Variants in C1GALT1 observed in about 807,000 individuals in gnomAD.
C1GALT1 encodes core 1 synthase, glycoprotein-N-acetylgalactosamine 3-beta-galactosyltransferase 1.
A neutral mutation model predicts 31.0 loss-of-function variants in C1GALT1; 11 were observed. The observed-to-expected ratio is 0.36, with a 90% CI of 0.22 to 0.59. C1GALT1 has a LOEUF of 0.59. Among genes scored for constraint, C1GALT1 ranks in the 20% least tolerant of loss-of-function variants. The probability of loss-of-function intolerance (pLI) is 0.79; values close to 1 mark genes in which losing one functional copy is unlikely to be tolerated. For synonymous variants in C1GALT1, 175 were observed against 143.6 expected (o/e 1.22, Z -1.56); for missense variants, 424 against 425.2 (o/e 1.00, Z 0.03).
At chr7:7,174,086 C>A (rs958974362) in intron 2 of C1GALT1, among the ~76,000 whole-genome samples, 1 of 151,984 alleles carries the variant, frequency 6.6e-6, no homozygotes, top group Non-Finnish European at 1.5e-5. Flanking sequence ...TGTCCCCACA[C>A]GGCCTTTCCT....
At chr7:7,179,893 CAA>C (rs1347920115), upstream of C1GALT1, among the ~76,000 whole-genome samples, 1 of 149,392 alleles carries the variant, frequency 6.7e-6, no homozygotes, top group African/African-American at 2.5e-5. Flanking sequence ...GGGTGCATAT[CAA>C]ATGGCTAAAG....
chr7:7,227,097 A>T (rs373338805), intron 1 of C1GALT1, among the ~76,000 whole-genome samples: 4 of 152,040 alleles, frequency 2.6e-5, no homozygotes, highest in Non-Finnish European at 5.9e-5. Flanking sequence ...CCTTTAGAGG[A>T]TGGGGGTCAT....
At chr7:7,213,536 C>CCT (rs1463234728) in intron 1 of C1GALT1, among the ~76,000 whole-genome samples, 1 of 152,064 alleles carries the variant, frequency 6.6e-6, no homozygotes, top group African/African-American at 2.4e-5. Context: ...TTTCAGGGGC[C>CCT]CTCTGAGCCA....
chr7:7,210,230 C>G (rs1010961033), intron 1 of C1GALT1, among the ~76,000 whole-genome samples: 2 of 147,296 alleles, frequency 1.4e-5, no homozygotes, highest in Admixed American at 6.7e-5. Flanking sequence ...ATTTTCTGAA[C>G]CTGGAATTGT....
intron 3 of C1GALT1, among the ~76,000 whole-genome samples, chr7:7,241,550 G>A (rs1055178878): frequency 1.3e-4 from 19 of 151,882 alleles, no homozygotes; most frequent in African/African-American, 4.1e-4. Context: ...CTTTGCCCAG[G>A]ATTTTTTGTA....
chr7:7,189,138 G>C (rs1486545718), intron 1 of C1GALT1, among the ~76,000 whole-genome samples: 1 of 152,110 alleles, frequency 6.6e-6, no homozygotes, highest in African/African-American at 2.4e-5. Context: ...AGCACATGTA[G>C]ATCATTGTTT....
At chr7:7,182,365 G>A (rs756687645), upstream of C1GALT1, among the ~76,000 whole-genome samples, 6 of 152,212 alleles carry the variant, frequency 3.9e-5, no homozygotes, top group Admixed American at 1.3e-4. Context: ...CAAGCCGCAA[G>A]GGGGATACAA....
intron 1 of C1GALT1, among the ~76,000 whole-genome samples, chr7:7,187,197 T>C (rs1363575415): frequency 6.6e-6 from 1 of 152,174 alleles, no homozygotes; most frequent in African/African-American, 2.4e-5. Context: ...AGTTACCCAG[T>C]TGTCCTCCTC....
intron 1 of C1GALT1, among the ~76,000 whole-genome samples, chr7:7,193,096 T>C (rs895849532): frequency 6.6e-6 from 1 of 152,176 alleles, no homozygotes; most frequent in African/African-American, 2.4e-5. Flanking sequence ...TTTTCTCCAC[T>C]CTGTGGGTTG....
intron 1 of C1GALT1, among the ~76,000 whole-genome samples, chr7:7,218,372 A>G (rs933147024): frequency 1.2e-4 from 18 of 152,206 alleles, no homozygotes; most frequent in African/African-American, 4.3e-4. Flanking sequence ...ATTGAAAAGT[A>G]TTATATTTTT....
intron 1 of C1GALT1, among the ~76,000 whole-genome samples, chr7:7,193,282 A>G: frequency 6.6e-6 from 1 of 152,104 alleles, no homozygotes; most frequent in Non-Finnish European, 1.5e-5. Context: ...TTATGGTTTC[A>G]GGTCTTAAAA....
rs892641258 is a variant in C1GALT1 at position 7,246,156 on chromosome 7, A to G, written c.*2429A>G. 5 of 152,214 alleles carry G rather than the reference A, an allele frequency of 3.3e-5. No homozygotes were observed. Among genetic ancestry groups the G allele is most frequent in the African/African-American group, 1.2e-4 (5 of 41,448 alleles). 9.4% of individuals were successfully genotyped at this position (152,214 alleles called of 1,614,324 possible). ...GGTACTGTGCTTAGATAATCTGTGT[A>G]TAATAGTGTTAATCCTCAAAATTTG... is the stretch of plus-strand genomic sequence containing the variant. On this transcript the variant is annotated 3_prime_UTR_variant, in exon 4 of 4. Coordinates refer to ENST00000436587, the MANE Select transcript of C1GALT1 (RefSeq NM_020156.5).
At chr7:7,227,954 A>T (rs982767926) in intron 1 of C1GALT1, among the ~76,000 whole-genome samples, 2 of 152,174 alleles carry the variant, frequency 1.3e-5, no homozygotes, top group Non-Finnish European at 2.9e-5. Context: ...TTCTGTTATA[A>T]ATACCAGAAA....
chr7:7,157,717 G>A (rs1780288086), intron 2 of C1GALT1, among the ~76,000 whole-genome samples: 1 of 152,118 alleles, frequency 6.6e-6, no homozygotes, highest in African/African-American at 2.4e-5. Context: ...CTATCTCACA[G>A]TTGCCAACAT....
intron 2 of C1GALT1, among the ~76,000 whole-genome samples, chr7:7,235,673 A>G (rs2128249613): frequency 6.6e-6 from 1 of 152,282 alleles, no homozygotes; most frequent in East Asian, 1.9e-4. Flanking sequence ...GGGGTATGCT[A>G]AAAGTTTGTC....
chr7:7,218,458 T>G (rs1267673209), intron 1 of C1GALT1, among the ~76,000 whole-genome samples: 1 of 151,826 alleles, frequency 6.6e-6, no homozygotes, highest in Non-Finnish European at 1.5e-5. Context: ...CAACGAAAAA[T>G]GAACAAATAA....
chr7:7,185,165 G>C (rs1046084483), intron 1 of C1GALT1, among the ~76,000 whole-genome samples: 1 of 152,174 alleles, frequency 6.6e-6, no homozygotes, highest in African/African-American at 2.4e-5. Context: ...AAACTGAAAG[G>C]AAAGTCTAAA....
chr7:7,213,808 T>C (rs923832966), intron 1 of C1GALT1, among the ~76,000 whole-genome samples: 1 of 152,246 alleles, frequency 6.6e-6, no homozygotes, highest in Non-Finnish European at 1.5e-5. Flanking sequence ...ACCTTTTTAC[T>C]AAAGGGCAGA....
intron 1 of C1GALT1, among the ~76,000 whole-genome samples, chr7:7,224,811 T>C (rs1782679818): frequency 6.6e-6 from 1 of 152,290 alleles, no homozygotes; most frequent in East Asian, 1.9e-4. Context: ...TACAGGTTTG[T>C]TACAGAGGTG....
Sources: gnomAD v4.1 joint callset for allele counts (sites outside exome capture counted in the v4.1 genomes callset) on GRCh38, gnomAD v4.1.1 for gene constraint, MANE v1.5 for transcripts, NCBI Gene and HGNC (gene_info 2026-07-23, HGNC 2026-07-21) for gene names.